Variants in TRIO observed in about 807,000 individuals in gnomAD.
TRIO encodes the protein trio Rho guanine nucleotide exchange factor.
Under a neutral mutation model 351.9 loss-of-function variants are expected in TRIO, and 58 were observed. The observed-to-expected ratio is 0.16, with a 90% confidence interval of 0.13 to 0.21. The LOEUF is 0.21. TRIO is among the 10% of genes least tolerant of loss of function. TRIO has a pLI of 1.00. For synonymous variants in TRIO, 1,758 were observed against 1,595.7 expected, an observed-to-expected ratio of 1.10 and a Z score of -2.42; for missense variants, 3,201 against 4,027.8, an observed-to-expected ratio of 0.79 and a Z score of 5.56.
intron 1 of TRIO, among the ~76,000 whole-genome samples, chr5:14,197,430 T>G (rs1005785576): frequency 6.6e-6 from 1 of 152,238 alleles, no homozygotes; most frequent in African/African-American, 2.4e-5. Flanking sequence ...ATGGGTCTTC[T>G]CTTGATCTGT....
chr5:14,252,228 G>A (rs906223888), intron 1 of TRIO, among the ~76,000 whole-genome samples: 1 of 152,218 alleles, frequency 6.6e-6, no homozygotes, highest in Non-Finnish European at 1.5e-5. Flanking sequence ...TGCCATGTCT[G>A]TTGATAGATC....
rs1339091795 is a variant in TRIO at position 14,176,092 on chromosome 5, C to T, written c.157+32210C>T. On this transcript the variant is annotated intron_variant, in intron 1 of 56. Coordinates refer to ENST00000344204, the MANE Select transcript of TRIO (RefSeq NM_007118.4). The stretch of plus-strand genomic sequence containing the variant: ...GCTGAGGTGGGACGATCACTTGAGT[C>T]GAGGAGGAGTTCAAGGCCAGCCTGG... Among the ~76,000 whole-genome samples the T allele has an allele frequency of 2.0e-5, 3 of 151,932 alleles. No homozygotes were observed. The East Asian group carries it at 5.8e-4, about 29-fold the overall frequency.
intron 48 of TRIO, among the ~76,000 whole-genome samples, chr5:14,491,098 A>G (rs1025534896): frequency 6.6e-6 from 1 of 152,140 alleles, no homozygotes; most frequent in Non-Finnish European, 1.5e-5. Flanking sequence ...AGTATGCACC[A>G]CAGGTCTAGA....
chr5:14,291,325 G>A, intron 5 of TRIO, 97 bp downstream of exon 5: 2 of 1,290,952 alleles, frequency 1.5e-6, no homozygotes, highest in Non-Finnish European at 1.1e-6. Flanking sequence ...GAATGGTAAG[G>A]CTATACTCAC....
At chr5:14,379,336 C>T (rs1579479316) in intron 20 of TRIO, among the ~76,000 whole-genome samples, 1 of 152,198 alleles carries the variant, frequency 6.6e-6, no homozygotes, top group East Asian at 1.9e-4. Context: ...ACTTTCTTAG[C>T]AGAGGTTTCC....
At position 14,316,716 on chromosome 5, in the gene TRIO, G is replaced by T. The variant is rs776261165; in HGVS notation, c.1704G>T (p.Leu568=). The T allele has an allele frequency of 3.1e-6, 5 of 1,614,076 alleles. No homozygotes were observed. The Admixed American group carries it at 8.3e-5, about 27-fold the overall frequency. Residue 568 remains leucine, a synonymous_variant, in exon 9 of 57, where the codon CTG becomes CTT. Transcript: ENST00000344204. The part of the protein sequence containing the change: ...RKVRLHQRLQ[L]CVFQQDVQQV... Reference sequence around the variant, plus strand: ...TCCGGCTGCATCAGAGGCTGCAGCTGTGTGTTTTCCAGCAGGACGTTCAGC... The same window carrying T: ...TCCGGCTGCATCAGAGGCTGCAGCTTTGTGTTTTCCAGCAGGACGTTCAGC...
At chr5:14,351,323 T>G (rs953451209) in intron 11 of TRIO, among the ~76,000 whole-genome samples, 1 of 152,246 alleles carries the variant, frequency 6.6e-6, no homozygotes, top group African/African-American at 2.4e-5. Context: ...CTGGTTTTTA[T>G]ACCTGAAACT....
At chr5:14,304,742 C>T (rs1043334624) in intron 8 of TRIO, 150 bp downstream of exon 8, 1 of 943,916 alleles carries the variant, frequency 1.1e-6, no homozygotes, top group African/African-American at 1.7e-5. Context: ...CATTTGAACC[C>T]CTGTGTGTGT....
Position 14,481,419 on chromosome 5 carries a change from C to T in TRIO, c.6388-122C>T, listed in dbSNP as rs565786796. ...TGACAGAGTCTCTCCAGTGCATCTC[C>T]ATAAGCCCTGCACACTAGAGGGTGG... On this transcript the variant is annotated intron_variant, in intron 44 of 56. Transcript: ENST00000344204. The T allele has an allele frequency of 1.2e-5, 18 of 1,467,396 alleles. No homozygotes were observed. The South Asian group carries it at 1.4e-4, about 12-fold the overall frequency. The allele number at this position is 1,467,396 out of a possible 1,614,324, so 90.9% of individuals were successfully genotyped here.
At chr5:14,485,276 C>G in intron 47 of TRIO, 30 bp downstream of exon 47, 2 of 1,546,550 alleles carry the variant, frequency 1.3e-6, no homozygotes, top group South Asian at 2.4e-5. Context: ...TAGATGTGTG[C>G]TTTCTTTCCT....
In TRIO at chr5:14,306,507, G is replaced by T. The variant is rs76083099; in HGVS notation, c.1500+1915G>T. Among the ~76,000 whole-genome samples, 783 of 152,300 alleles carry T rather than the reference G, an allele frequency of 5.1e-3. 10 individuals are homozygous for T. Among genetic ancestry groups the T allele is most frequent in the African/African-American group, 0.018 (756 of 41,550 alleles). On this transcript the variant is annotated intron_variant, in intron 8 of 56. Transcript: ENST00000344204. ...TTGACCTATAACACAGAAAGCAAAT[G>T]ACCCTGTTACTCACACATGTAATGA...
chr5:14,450,887 CT>C (rs1752805025), intron 34 of TRIO, among the ~76,000 whole-genome samples: 1 of 152,176 alleles, frequency 6.6e-6, no homozygotes, highest in Non-Finnish European at 1.5e-5. Context: ...CCTGATGAAT[CT>C]TTCTTTTCCA....
intron 1 of TRIO, among the ~76,000 whole-genome samples, chr5:14,223,688 G>A (rs1439733998): frequency 6.6e-6 from 1 of 152,200 alleles, no homozygotes; most frequent in African/African-American, 2.4e-5. Context: ...GCAGGGCTGC[G>A]GTGTGCAGCT....
At chr5:14,367,463 G>A (rs1338410870) in intron 16 of TRIO, among the ~76,000 whole-genome samples, 4 of 152,154 alleles carry the variant, frequency 2.6e-5, no homozygotes, top group South Asian at 2.1e-4. Context: ...AAACGATGCC[G>A]ACAGCAAAAC....
chr5:14,354,234 T>G (rs894223612), intron 11 of TRIO, among the ~76,000 whole-genome samples: 1 of 152,276 alleles, frequency 6.6e-6, no homozygotes, highest in Non-Finnish European at 1.5e-5. Flanking sequence ...CCAGGGTATG[T>G]GGATTCTCTT....
intron 24 of TRIO, 71 bp from the exon 25 acceptor site, chr5:14,389,218 A>G: frequency 8.9e-7 from 1 of 1,128,710 alleles, no homozygotes; most frequent in South Asian, 1.5e-5. Flanking sequence ...GTGTTTACAG[A>G]TGTCAGAAAC....
intron 1 of TRIO, among the ~76,000 whole-genome samples, chr5:14,222,163 A>G (rs1173692970): frequency 3.3e-5 from 5 of 149,916 alleles, no homozygotes; most frequent in African/African-American, 7.3e-5. Flanking sequence ...TTTTAGCAAT[A>G]AAGTATTTTT....
At chr5:14,406,713 G>A in intron 33 of TRIO, 41 bp downstream of exon 33, 9 of 1,590,090 alleles carry the variant, frequency 5.7e-6, no homozygotes, top group Non-Finnish European at 6.9e-6. Flanking sequence ...GGGGAATGTG[G>A]CCAGTCTCTG....
intron 34 of TRIO, among the ~76,000 whole-genome samples, chr5:14,457,982 G>A (rs1753490555): frequency 1.3e-5 from 2 of 151,784 alleles, no homozygotes; most frequent in African/African-American, 2.4e-5. Context: ...TAAGTGTTCT[G>A]CTTATGAATG....
Sources: allele counts gnomAD v4.1 joint callset (sites outside exome capture counted in the v4.1 genomes callset), GRCh38; gene constraint gnomAD v4.1.1; transcripts MANE v1.5; gene names NCBI Gene and HGNC (gene_info 2026-07-23, HGNC 2026-07-21).